ZFP1: variants seen among roughly 807,000 people sequenced by gnomAD.
ZFP1 encodes zinc finger protein 1 homolog.
Under a neutral mutation model 38.5 loss-of-function variants are expected in ZFP1, and 32 were observed. The ratio of observed to expected loss-of-function variants is 0.83; its 90% CI spans 0.63 to 1.12. The LOEUF is 1.12. Among genes scored for constraint, ZFP1 ranks in the 50% most tolerant of loss-of-function variants. The pLI, the probability that ZFP1 is intolerant of heterozygous loss-of-function variation, is 0.00. For synonymous variants in ZFP1, 245 were observed against 168.8 expected (o/e 1.45, Z -3.50); for missense variants, 616 against 480.8 (o/e 1.28, Z -2.63).
chr16:75,121,374 C>A, the ZFP1 span, among the ~76,000 whole-genome samples: 1 of 152,106 alleles, frequency 6.6e-6, no homozygotes, highest in Non-Finnish European at 1.5e-5. Flanking sequence ...ATCCGCCCAC[C>A]TCGGCCCCCC....
upstream of ZFP1, among the ~76,000 whole-genome samples, chr16:75,145,288 T>C (rs958064516): frequency 2.0e-5 from 3 of 152,202 alleles, no homozygotes; most frequent in African/African-American, 4.8e-5. Context: ...TGGTGAGAAA[T>C]TGGAGCAACA....
chr16:75,155,325 A>T (rs943739870), intron 2 of ZFP1, among the ~76,000 whole-genome samples: 4 of 152,072 alleles, frequency 2.6e-5, no homozygotes, highest in Non-Finnish European at 4.4e-5. Flanking sequence ...GTAGAGATGG[A>T]GTTTTGCCCT....
the ZFP1 span, among the ~76,000 whole-genome samples, chr16:75,134,128 G>C: frequency 3.9e-5 from 6 of 152,162 alleles, no homozygotes; most frequent in Non-Finnish European, 8.8e-5. Context: ...AAAGGTATAG[G>C]ATTTCTTTCA....
In ZFP1 at chr16:75,159,452, A is replaced by G. The variant is rs1488830910; in HGVS notation, c.15+6486A>G. Among the ~76,000 whole-genome samples, 60 of 133,948 alleles carry G rather than the reference A, an allele frequency of 4.5e-4. 1 individual carries two copies. The highest frequency in any genetic ancestry group is 1.7e-3 in the African/African-American group (58 of 35,040). The allele number at this position is 133,948 out of a possible 152,430, so 87.9% of individuals were successfully genotyped here. On this transcript the variant is annotated intron_variant, in intron 2 of 3. Coordinates refer to ENST00000570010, the MANE Select transcript of ZFP1 (RefSeq NM_153688.4). ...TTGACAGAGTCTTGGTTACCCCCAGACTGGGGTACAGTGACAACGCTCACA... is the reference window on the plus strand; with the variant it reads ...TTGACAGAGTCTTGGTTACCCCCAGGCTGGGGTACAGTGACAACGCTCACA...
the ZFP1 span, among the ~76,000 whole-genome samples, chr16:75,139,620 A>T: frequency 6.6e-6 from 1 of 152,044 alleles, no homozygotes; most frequent in Non-Finnish European, 1.5e-5. Flanking sequence ...TGAGGCCAGG[A>T]GGTGGAGGCT....
chr16:75,124,803 G>A, the ZFP1 span, among the ~76,000 whole-genome samples: 47 of 69,012 alleles, frequency 6.8e-4, no homozygotes, highest in African/African-American at 1.9e-3. Flanking sequence ...AAAAAAAAAA[G>A]CAAGGTAAAA....
At chr16:75,135,365 A>T in the ZFP1 span, among the ~76,000 whole-genome samples, 2 of 151,994 alleles carry the variant, frequency 1.3e-5, no homozygotes, top group Non-Finnish European at 2.9e-5. Flanking sequence ...GAGGAACCTT[A>T]AATGCATATT....
Position 75,160,155 on chromosome 16 carries a change from C to T in ZFP1, c.16-6615C>T, listed in dbSNP as rs891006914. On this transcript the variant is annotated intron_variant, in intron 2 of 3. Coordinates refer to ENST00000570010, the MANE Select transcript of ZFP1 (RefSeq NM_153688.4). The stretch of plus-strand genomic sequence containing the variant: ...GAATGTTAAGGCTTCTCTATGGCTT[C>T]TGTAGCGCCATCATCCTATGTCTTA... Among the ~76,000 whole-genome samples the T allele has an allele frequency of 3.9e-5, 6 of 152,346 alleles. No homozygotes were observed. The East Asian group carries it at 1.2e-3, about 29-fold the overall frequency.
intron 1 of ZFP1, among the ~76,000 whole-genome samples, chr16:75,150,170 G>T (rs963718182): frequency 2.7e-5 from 4 of 147,020 alleles, no homozygotes; most frequent in African/African-American, 1.0e-4. Flanking sequence ...TATTTAGATT[G>T]TATTGCATAA....
chr16:75,122,843 T>C, the ZFP1 span, among the ~76,000 whole-genome samples: 2 of 152,230 alleles, frequency 1.3e-5, no homozygotes, highest in Non-Finnish European at 1.5e-5. Context: ...AGAAGCAAGA[T>C]GGAGTCACTT....
At chr16:75,138,130 G>T in the ZFP1 span, among the ~76,000 whole-genome samples, 5 of 139,026 alleles carry the variant, frequency 3.6e-5, no homozygotes, top group Non-Finnish European at 7.6e-5. Context: ...TCCACCTCCC[G>T]GGTTCAAGTG....
At chr16:75,127,123 C>G in the ZFP1 span, among the ~76,000 whole-genome samples, 16 of 152,314 alleles carry the variant, frequency 1.1e-4, no homozygotes, top group African/African-American at 3.6e-4. Flanking sequence ...TATGGCTGCT[C>G]TAAAACTTTT....
At chr16:75,125,793 A>C in the ZFP1 span, among the ~76,000 whole-genome samples, 10 of 151,984 alleles carry the variant, frequency 6.6e-5, no homozygotes, top group Admixed American at 5.2e-4. Flanking sequence ...CTGTAAGCCC[A>C]GCACTTTGGC....
In ZFP1 at chr16:75,161,781, T is replaced by A. The variant is rs1402460281; in HGVS notation, c.16-4989T>A. On this transcript the variant is annotated intron_variant, in intron 2 of 3. Transcript: ENST00000570010. Reference sequence around the variant, plus strand: ...AAATATATATATATATATATTTTTTTTTTTTTTTTTTTTTTTTTTCCTGAG... The same window carrying A: ...AAATATATATATATATATATTTTTTATTTTTTTTTTTTTTTTTTTCCTGAG... Among the ~76,000 whole-genome samples the A allele has an allele frequency of 1.3e-3, 80 of 61,640 alleles. 4 individuals are homozygous for A. Among genetic ancestry groups the A allele is most frequent in the African/African-American group, 2.0e-3 (35 of 17,916 alleles). 40.4% of individuals were successfully genotyped at this position (61,640 alleles called of 152,430 possible). A position where few individuals can be genotyped will look rare whatever the true frequency, so the allele number is the denominator to read the frequency against.
the ZFP1 span, among the ~76,000 whole-genome samples, chr16:75,126,865 A>G: frequency 3.3e-5 from 5 of 152,232 alleles, no homozygotes; most frequent in Non-Finnish European, 7.3e-5. Flanking sequence ...TCTAAAATCC[A>G]AAAATGACAT....
chr16:75,148,272 G>T (rs1475929123), upstream of ZFP1, among the ~76,000 whole-genome samples: 1 of 152,170 alleles, frequency 6.6e-6, no homozygotes, highest in Non-Finnish European at 1.5e-5. Context: ...ATTTAAGGGG[G>T]AGGTGGTGAA....
chr16:75,160,252 G>A (rs1035209213), intron 2 of ZFP1, among the ~76,000 whole-genome samples: 1 of 152,056 alleles, frequency 6.6e-6, no homozygotes, highest in East Asian at 1.9e-4. Context: ...TTATTTTCTT[G>A]GCTGGGCAAG....
intron 2 of ZFP1, among the ~76,000 whole-genome samples, chr16:75,159,301 TCCC>T (rs2037632368): frequency 4.3e-5 from 1 of 23,226 alleles, no homozygotes; most frequent in Admixed American, 5.2e-4. Context: ...CTCCCTTCCC[TCCC>T]TTCCCTCCTT....
chr16:75,142,722 A>G, the ZFP1 span, among the ~76,000 whole-genome samples: 1 of 152,152 alleles, frequency 6.6e-6, no homozygotes, highest in South Asian at 2.1e-4. Context: ...TTATTTTTTG[A>G]GACAGAGTCT....
Sources: gnomAD v4.1 joint callset for allele counts (sites outside exome capture counted in the v4.1 genomes callset) on GRCh38, gnomAD v4.1.1 for gene constraint, MANE v1.5 for transcripts, NCBI Gene and HGNC (gene_info 2026-07-23, HGNC 2026-07-21) for gene names.